LSAMP: variants seen among roughly 807,000 people sequenced by gnomAD.
LSAMP encodes the protein limbic system associated membrane protein.
Under a neutral mutation model 38.6 loss-of-function variants are expected in LSAMP, and 7 were observed. The ratio of observed to expected loss-of-function variants is 0.18; its 90% confidence interval spans 0.10 to 0.34. The LOEUF (loss-of-function observed/expected upper bound fraction) is 0.34. Among genes scored for constraint, LSAMP ranks in the 10% least tolerant of loss-of-function variants. The pLI is 1.00. For missense variants in LSAMP, 313 were observed against 420.0 expected, an observed-to-expected ratio of 0.75 and a Z score of 2.23; for synonymous variants, 154 against 166.8, an observed-to-expected ratio of 0.92 and a Z score of 0.59.
At chr3:115,974,907 G>A (rs59495422) in intron 3 of LSAMP, among the ~76,000 whole-genome samples, 2 of 152,126 alleles carry the variant, frequency 1.3e-5, no homozygotes, top group African/African-American at 2.4e-5. Flanking sequence ...AGCTTCCAAG[G>A]TTTCTCTGGG....
chr3:115,913,295 T>C (rs1463824622), intron 3 of LSAMP, among the ~76,000 whole-genome samples: 2 of 152,230 alleles, frequency 1.3e-5, no homozygotes, highest in East Asian at 1.9e-4. Flanking sequence ...AATGATACTA[T>C]GTTTCTCTCT....
intron 3 of LSAMP, among the ~76,000 whole-genome samples, chr3:115,970,112 T>C (rs1938966395): frequency 6.6e-6 from 1 of 151,836 alleles, no homozygotes; most frequent in Non-Finnish European, 1.5e-5. Flanking sequence ...GTAAGACAAA[T>C]TAAAACCAGG....
At chr3:116,187,505 G>T (rs1288256097) in intron 1 of LSAMP, among the ~76,000 whole-genome samples, 1 of 152,064 alleles carries the variant, frequency 6.6e-6, no homozygotes, top group African/African-American at 2.4e-5. Context: ...CAATTACAGT[G>T]ATCTTTCTAT....
chr3:116,218,062 G>A (rs376753660), intron 1 of LSAMP, among the ~76,000 whole-genome samples: 1 of 152,230 alleles, frequency 6.6e-6, no homozygotes, highest in Non-Finnish European at 1.5e-5. Context: ...AAAAATGGGC[G>A]CTGTGGATCC....
At chr3:115,856,348 T>C (rs1488218755) in intron 3 of LSAMP, among the ~76,000 whole-genome samples, 1 of 152,180 alleles carries the variant, frequency 6.6e-6, no homozygotes, top group African/African-American at 2.4e-5. Flanking sequence ...CTGGGTATGG[T>C]GGCTTACGCC....
chr3:115,990,072 T>C (rs781325844), intron 3 of LSAMP, among the ~76,000 whole-genome samples: 3 of 152,052 alleles, frequency 2.0e-5, no homozygotes, highest in Non-Finnish European at 4.4e-5. Context: ...ACAAAAGAGA[T>C]ATGAGTAAAG....
At chr3:116,289,506 G>A (rs6438312) in intron 1 of LSAMP, among the ~76,000 whole-genome samples, 35,076 of 151,890 alleles carry the variant, frequency 0.23, 7,299 homozygotes, top group African/African-American at 0.56. Context: ...TTAGGTCAAT[G>A]GCCAAATGGT....
At position 115,805,554 on chromosome 3, in the gene LSAMP, C is replaced by A. The variant is rs1933611666; in HGVS notation, c.*4763G>T. Reference sequence around the variant, plus strand: ...TCAGCACGCAGCATGTAAATGTGCTCAAAAGAAATCAAGGTTTAAAATAAG... The same window carrying A: ...TCAGCACGCAGCATGTAAATGTGCTAAAAAGAAATCAAGGTTTAAAATAAG... On this transcript the variant is annotated 3_prime_UTR_variant, in exon 7 of 7. Transcript: ENST00000490035. The A allele has an allele frequency of 6.6e-6, 1 of 152,056 alleles. No individual in the cohort carries two copies. The highest frequency in any genetic ancestry group is 2.1e-4 in the South Asian group (1 of 4,826). The allele number at this position is 152,056 out of a possible 1,614,324, so 9.4% of individuals were successfully genotyped here.
intron 1 of LSAMP, among the ~76,000 whole-genome samples, chr3:116,151,805 C>T (rs1394848939): frequency 2.0e-5 from 3 of 152,014 alleles, no homozygotes; most frequent in Non-Finnish European, 4.4e-5. Flanking sequence ...CCTGTGCTCG[C>T]CACTCCACAA....
chr3:116,211,506 A>T (rs1168314277), intron 1 of LSAMP, among the ~76,000 whole-genome samples: 3 of 152,226 alleles, frequency 2.0e-5, no homozygotes, highest in Admixed American at 6.5e-5. Context: ...ATAAAGCAAT[A>T]ACCAAGACTC....
intron 3 of LSAMP, among the ~76,000 whole-genome samples, chr3:115,866,956 T>C (rs1444118907): frequency 6.6e-6 from 1 of 151,894 alleles, no homozygotes; most frequent in Non-Finnish European, 1.5e-5. Context: ...AATGGGTACT[T>C]GTGGGAATAG....
At chr3:116,300,321 A>G (rs1429065807) in intron 1 of LSAMP, among the ~76,000 whole-genome samples, 1 of 152,234 alleles carries the variant, frequency 6.6e-6, no homozygotes, top group Non-Finnish European at 1.5e-5. Context: ...TACAGTTCCC[A>G]AGGGTTTGAA....
chr3:116,210,451 A>T (rs1013289818), intron 1 of LSAMP, among the ~76,000 whole-genome samples: 1 of 152,088 alleles, frequency 6.6e-6, no homozygotes, highest in East Asian at 1.9e-4. Flanking sequence ...CCTACCTTGA[A>T]CATCAGACGG....
intron 1 of LSAMP, among the ~76,000 whole-genome samples, chr3:116,172,908 T>C (rs1055381586): frequency 6.6e-6 from 1 of 151,918 alleles, no homozygotes; most frequent in Non-Finnish European, 1.5e-5. Flanking sequence ...AGTTTCCACA[T>C]CGACAATGGC....
At chr3:116,282,841 T>C (rs1425756261) in intron 1 of LSAMP, among the ~76,000 whole-genome samples, 2 of 151,972 alleles carry the variant, frequency 1.3e-5, no homozygotes, top group East Asian at 3.9e-4. Flanking sequence ...GTCTTTCTGC[T>C]AGGCAAGACA....
intron 3 of LSAMP, among the ~76,000 whole-genome samples, chr3:116,011,700 G>A (rs1053971384): frequency 6.6e-6 from 1 of 151,874 alleles, no homozygotes; most frequent in African/African-American, 2.4e-5. Context: ...TAAGGAAAGT[G>A]AATGAATTAG....
intron 3 of LSAMP, among the ~76,000 whole-genome samples, chr3:115,997,972 T>A (rs1265313863): frequency 6.7e-6 from 1 of 148,652 alleles, no homozygotes; most frequent in East Asian, 2.0e-4. Context: ...AATACTTCTA[T>A]ATATCGTGTG....
chr3:116,204,113 T>C (rs1304513738), intron 1 of LSAMP, among the ~76,000 whole-genome samples: 1 of 152,150 alleles, frequency 6.6e-6, no homozygotes, highest in Non-Finnish European at 1.5e-5. Context: ...TGAGATAGTA[T>C]CTCATAGTGG....
chr3:116,438,960 A>G (rs953848773), intron 1 of LSAMP, among the ~76,000 whole-genome samples: 5 of 152,090 alleles, frequency 3.3e-5, no homozygotes, highest in Admixed American at 2.0e-4. Context: ...TGTGACTCCA[A>G]TTTTTTTACT....
Sources: allele counts gnomAD v4.1 joint callset (sites outside exome capture counted in the v4.1 genomes callset), GRCh38; gene constraint gnomAD v4.1.1; transcripts MANE v1.5; gene names NCBI Gene and HGNC (gene_info 2026-07-23, HGNC 2026-07-21).